The following COL4A2 variants were observed in gnomAD, a reference collection of about 807,000 sequenced individuals.
The protein encoded by COL4A2 is collagen type IV alpha 2 chain.
In COL4A2, 99 loss-of-function variants were observed where a neutral mutation model predicts 200.2. That is an observed-to-expected ratio of 0.49 (90% CI 0.42 to 0.58). The LOEUF (loss-of-function observed/expected upper bound fraction) is 0.58. Ranked by LOEUF, COL4A2 falls within the 20% of genes least tolerant of loss-of-function variation. The pLI, the probability that COL4A2 is intolerant of heterozygous loss-of-function variation, is 0.00. For synonymous variants in COL4A2, 897 were observed against 900.6 expected (o/e 1.00, Z 0.07); for missense variants, 1,950 against 2,314.1 (o/e 0.84, Z 3.23).
Position 110,508,382 on chromosome 13 carries a change from AC to A in COL4A2, c.4881+162del. On this transcript the variant is annotated intron_variant, in intron 47 of 47. Transcript: ENST00000360467. The surrounding 1 kb of genome is among the most constrained non-coding windows in gnomAD (Gnocchi z 6.1). The stretch of plus-strand genomic sequence containing the variant: ...GAGCGAGAGCTGGAACACAGCTTAC[AC>A]TTGGCTAACTGAGCCACATGCTGGG... The A allele has an allele frequency of 8.7e-7, 1 of 1,149,198 alleles. No homozygotes were observed. The highest frequency in any genetic ancestry group is 1.2e-6 in the Non-Finnish European group (1 of 824,550). 71.2% of individuals were successfully genotyped at this position (1,149,198 alleles called of 1,614,324 possible). A position where few individuals can be genotyped will look rare whatever the true frequency, so the allele number is the denominator to read the frequency against.
chr13:110,318,724 G>A (rs1281647496), intron 3 of COL4A2, among the ~76,000 whole-genome samples: 2 of 152,142 alleles, frequency 1.3e-5, no homozygotes, highest in East Asian at 3.9e-4. Context: ...GAAGAAATTG[G>A]CTGTAGAGAG....
chr13:110,371,200 G>A (rs987728819), intron 4 of COL4A2, among the ~76,000 whole-genome samples: 1 of 152,174 alleles, frequency 6.6e-6, no homozygotes, highest in Non-Finnish European at 1.5e-5. Context: ...CCTAGCAGCC[G>A]CTGACATAGT....
rs377584262 is a variant in COL4A2 at position 110,461,479 on chromosome 13, A to G, written c.1597-635A>G. Among the ~76,000 whole-genome samples, 17 of 152,372 alleles carry G rather than the reference A, an allele frequency of 1.1e-4. No homozygotes were observed. In the East Asian group the frequency reaches 1.2e-3, roughly 10 times the overall value. ...CCTAGGACCTGGGTTTCCCTGTCCA[A>G]CCACCTGTGGCTACTTCCACTGCAT... On this transcript the variant is annotated intron_variant, in intron 22 of 47. Coordinates refer to ENST00000360467, the MANE Select transcript of COL4A2 (RefSeq NM_001846.4).
At chr13:110,490,220 G>A (rs1019252992) in intron 36 of COL4A2, among the ~76,000 whole-genome samples, 1 of 152,258 alleles carries the variant, frequency 6.6e-6, no homozygotes, top group Non-Finnish European at 1.5e-5. Flanking sequence ...GGAGGCAGCT[G>A]ACCAGCCCGA....
At chr13:110,448,327 C>T (rs1054106658) in intron 18 of COL4A2, among the ~76,000 whole-genome samples, 1 of 152,196 alleles carries the variant, frequency 6.6e-6, no homozygotes, top group Non-Finnish European at 1.5e-5. Context: ...CCCTTCTCAC[C>T]GTACTATATT....
At chr13:110,334,305 C>T (rs974393287) in intron 3 of COL4A2, among the ~76,000 whole-genome samples, 1 of 152,194 alleles carries the variant, frequency 6.6e-6, no homozygotes, top group Non-Finnish European at 1.5e-5. Context: ...TTATCAAGCA[C>T]AGCAGATGTG....
At chr13:110,345,474 G>A (rs892960034) in intron 3 of COL4A2, among the ~76,000 whole-genome samples, 64 of 152,200 alleles carry the variant, frequency 4.2e-4, no homozygotes, top group Admixed American at 1.3e-4. Flanking sequence ...GAGGACAGCA[G>A]ATGCTGGCTT....
At chr13:110,320,046 A>G (rs149101472) in intron 3 of COL4A2, among the ~76,000 whole-genome samples, 59 of 152,354 alleles carry the variant, frequency 3.9e-4, no homozygotes, top group Admixed American at 1.0e-3. Context: ...GGAAAAGTCA[A>G]CGCATTTCTA....
At chr13:110,430,367 G>T (rs750949469) in intron 8 of COL4A2, 34 bp from the exon 9 acceptor site, 1 of 1,603,752 alleles carries the variant, frequency 6.2e-7, no homozygotes, top group South Asian at 1.1e-5. Context: ...ATGGTTAAAA[G>T]CTATCACTCT....
In COL4A2 at chr13:110,449,815, C is replaced by G. The variant is rs200522141; in HGVS notation, c.1189+26C>G. On this transcript the variant is annotated intron_variant, in intron 19 of 47. Coordinates refer to ENST00000360467, the MANE Select transcript of COL4A2 (RefSeq NM_001846.4). ...GTAATGTGGCTTCATAATATCAACA[C>G]CGGAGACCCAAAGCACCTGCACTCA... 1.7e-3 allele frequency: 2,642 copies of G among 1,543,128 alleles called. 32 individuals carry two copies. Among genetic ancestry groups the G allele is most frequent in the Middle Eastern group, 8.5e-3 (37 of 4,356 alleles).
At chr13:110,420,388 G>A (rs1880202058) in intron 4 of COL4A2, among the ~76,000 whole-genome samples, 1 of 152,188 alleles carries the variant, frequency 6.6e-6, no homozygotes, top group South Asian at 2.1e-4. Flanking sequence ...TTAGGAAATA[G>A]TACCTCTACA....
At chr13:110,465,136 G>A (rs1882184551) in intron 24 of COL4A2, among the ~76,000 whole-genome samples, 1 of 152,214 alleles carries the variant, frequency 6.6e-6, no homozygotes, top group Admixed American at 6.5e-5. Flanking sequence ...CTGATGCAGG[G>A]GAGCTGGCGG....
In COL4A2 at chr13:110,434,576, G is replaced by C. The variant is rs113524882; in HGVS notation, c.726+134G>C. ...ATCTGCAGACAGACCATTTGCATAG[G>C]GAAATAATCATTGCAAAGTGCTAGG... On this transcript the variant is annotated intron_variant, in intron 12 of 47. Transcript: ENST00000360467. 3.2e-5 allele frequency: 28 copies of C among 871,042 alleles called. 1 individual carries two copies. Among genetic ancestry groups the C allele is most frequent in the African/African-American group, 1.9e-4 (11 of 58,458 alleles). 54.0% of individuals were successfully genotyped at this position (871,042 alleles called of 1,614,324 possible).
At chr13:110,458,715 C>T in intron 21 of COL4A2, 56 bp from the exon 22 acceptor site, 2 of 1,606,986 alleles carry the variant, frequency 1.2e-6, no homozygotes, top group East Asian at 2.2e-5. Context: ...TACCCCTCTC[C>T]CCGCCACGCT....
At chr13:110,336,271 A>T (rs1876183576) in intron 3 of COL4A2, among the ~76,000 whole-genome samples, 1 of 152,234 alleles carries the variant, frequency 6.6e-6, no homozygotes, top group Non-Finnish European at 1.5e-5. Context: ...CTGATCTTTC[A>T]TGAACACGCA....
intron 3 of COL4A2, among the ~76,000 whole-genome samples, chr13:110,351,273 C>T (rs1280016949): frequency 6.6e-6 from 1 of 151,976 alleles, no homozygotes; most frequent in Non-Finnish European, 1.5e-5. Flanking sequence ...CAGGGTTTTG[C>T]TTTGTTACCC....
intron 4 of COL4A2, among the ~76,000 whole-genome samples, chr13:110,414,736 G>C (rs559216374): frequency 1.3e-5 from 2 of 152,346 alleles, no homozygotes; most frequent in South Asian, 4.1e-4. Context: ...ATTTCAAATG[G>C]CTATCACTGT....
intron 4 of COL4A2, among the ~76,000 whole-genome samples, chr13:110,423,400 T>C (rs1399096549): frequency 6.6e-6 from 1 of 152,024 alleles, no homozygotes; most frequent in Non-Finnish European, 1.5e-5. Flanking sequence ...TGTGAACACA[T>C]GGACACAGGG....
chr13:110,462,217 G>T (rs757806507), intron 23 of COL4A2, 31 bp downstream of exon 23: 5 of 1,614,244 alleles, frequency 3.1e-6, no homozygotes, highest in Non-Finnish European at 4.2e-6. Flanking sequence ...GCGGCCCCTG[G>T]GGCACTGAGC....
Sources: allele counts gnomAD v4.1 joint callset (sites outside exome capture counted in the v4.1 genomes callset), GRCh38; gene constraint gnomAD v4.1.1; non-coding constraint Gnocchi (gnomAD v3.1); transcripts MANE v1.5; gene names NCBI Gene and HGNC (gene_info 2026-07-23, HGNC 2026-07-21).